ARL4A: variants seen among roughly 807,000 people sequenced by gnomAD.
ARL4A encodes the protein ADP-ribosylation factor-like protein 4A.
A neutral mutation model predicts 13.9 loss-of-function variants in ARL4A; 5 were observed. That is an observed-to-expected ratio of 0.36 (90% confidence interval 0.19 to 0.75). The LOEUF is 0.75. Among genes scored for constraint, ARL4A ranks in the 30% least tolerant of loss-of-function variants. The probability of loss-of-function intolerance (pLI) is 0.53; values close to 1 mark genes in which losing one functional copy is unlikely to be tolerated. For missense variants in ARL4A, 147 were observed against 225.8 expected, an observed-to-expected ratio of 0.65 and a Z score of 2.24; for synonymous variants, 77 against 84.4, an observed-to-expected ratio of 0.91 and a Z score of 0.48.
In ARL4A at chr7:12,690,437, T is replaced by C. The variant is rs1337413946; in HGVS notation, c.*1580T>C. On this transcript the variant is annotated 3_prime_UTR_variant, in exon 2 of 2. Transcript: ENST00000651779. ...TAGTGATGGTCACTTAGAATGTTTA[T>C]AGAAATGTGGATAATAACTACCAAT... 1 of 166,952 alleles carries C rather than the reference T, an allele frequency of 6.0e-6. No homozygotes were observed. The highest frequency in any genetic ancestry group is 6.5e-5 in the Admixed American group (1 of 15,268). 10.3% of individuals were successfully genotyped at this position (166,952 alleles called of 1,614,324 possible).
rs1356442544 is a variant in ARL4A at position 12,690,292 on chromosome 7, G to GTTTTT, written c.*1438_*1442dup. On this transcript the variant is annotated 3_prime_UTR_variant, in exon 2 of 2. Transcript: ENST00000651779. Reference sequence around the variant, plus strand: ...AGGATTTGTTTTGGCTTTGGGTTTTGTTTTTTTGTTTTTTTTTTTTTTCAG... The same window carrying GTTTTT: ...AGGATTTGTTTTGGCTTTGGGTTTTGTTTTTTTTTTTTGTTTTTTTTTTTTTTCAG... 7.4e-6 allele frequency: 1 copy of GTTTTT among 136,002 alleles called. No homozygotes were observed. The highest frequency in any genetic ancestry group is 1.8e-5 in the Non-Finnish European group (1 of 54,650). 8.4% of individuals were successfully genotyped at this position (136,002 alleles called of 1,614,324 possible).
upstream of ARL4A, chr7:12,687,212 A>T (rs1784534045): frequency 1.3e-5 from 2 of 152,142 alleles, no homozygotes; most frequent in Non-Finnish European, 2.9e-5. The surrounding 1 kb of genome is among the most constrained non-coding windows in gnomAD (Gnocchi z 5.6). Flanking sequence ...GCGCGGCAAC[A>T]GCCGGCACCC....
chr7:12,689,347 A>C lies in ARL4A; in HGVS notation c.*490A>C, dbSNP rs1376974396. 6.0e-6 allele frequency: 1 copy of C among 168,010 alleles called. No individual in the cohort carries two copies. The highest frequency in any genetic ancestry group is 1.5e-5 in the Non-Finnish European group (1 of 68,806). The allele number at this position is 168,010 out of a possible 1,614,324, so 10.4% of individuals were successfully genotyped here. ...AACCAGTCCTTTTTTGAAGTAAGGG[A>C]CAAGGAGTAAGTATTTTCTTTTTTA... On this transcript the variant is annotated 3_prime_UTR_variant, in exon 2 of 2. Transcript: ENST00000651779.
chr7:12,688,453 A>G lies in ARL4A; in HGVS notation c.199A>G (p.Lys67Glu). The G allele has an allele frequency of 6.2e-7, 1 of 1,612,924 alleles. No individual in the cohort carries two copies. Among genetic ancestry groups the G allele is most frequent in the Non-Finnish European group, 8.5e-7 (1 of 1,179,856 alleles). ...EKIKVTLGNS[K>E]TVTFHFWDVG... is the part of the protein sequence containing the mutation. The stretch of plus-strand genomic sequence containing the variant: ...AATTAAGGTAACCTTGGGAAATTCT[A>G]AAACAGTCACTTTTCACTTCTGGGA... The change falls in exon 2 of 2, where the codon AAA (lysine) becomes GAA (glutamate). Residue 67 changes from lysine (K) to glutamate (E), a missense_variant. Transcript: ENST00000651779. This position sits in a 1 kb window ranked among gnomAD's most constrained non-coding sequence, Gnocchi z 5.2.
chr7:12,690,461 A>G lies in ARL4A; in HGVS notation c.*1604A>G, dbSNP rs1033605377. ...ATAGAAATGTGGATAATAACTACCAATAAACTACTTGAGGCACTAGGAGAA... is the reference window on the plus strand; with the variant it reads ...ATAGAAATGTGGATAATAACTACCAGTAAACTACTTGAGGCACTAGGAGAA... On this transcript the variant is annotated 3_prime_UTR_variant, in exon 2 of 2. Coordinates refer to ENST00000651779, the MANE Select transcript of ARL4A (RefSeq NM_005738.5). 6.0e-6 allele frequency: 1 copy of G among 166,922 alleles called. No individual in the cohort carries two copies. The highest frequency in any genetic ancestry group is 1.5e-5 in the Non-Finnish European group (1 of 68,076). The allele number at this position is 166,922 out of a possible 1,614,324, so 10.3% of individuals were successfully genotyped here. A position where few individuals can be genotyped will look rare whatever the true frequency, so the allele number is the denominator to read the frequency against.
Position 12,689,725 on chromosome 7 carries a change from T to G in ARL4A, c.*868T>G, listed in dbSNP as rs1354359925. ...AATAAATATGCACTGGATACATATATGGATTTATGAAGAAGGCGATTTAGT... is the reference window on the plus strand; with the variant it reads ...AATAAATATGCACTGGATACATATAGGGATTTATGAAGAAGGCGATTTAGT... On this transcript the variant is annotated 3_prime_UTR_variant, in exon 2 of 2. Coordinates refer to ENST00000651779, the MANE Select transcript of ARL4A (RefSeq NM_005738.5). The G allele has an allele frequency of 6.0e-6, 1 of 166,936 alleles. No individual in the cohort carries two copies. Among genetic ancestry groups the G allele is most frequent in the African/African-American group, 2.4e-5 (1 of 41,456 alleles). 10.3% of individuals were successfully genotyped at this position (166,936 alleles called of 1,614,324 possible).
chr7:12,687,191 C>T (rs1450689351), upstream of ARL4A: 3 of 152,180 alleles, frequency 2.0e-5, no homozygotes, highest in Non-Finnish European at 4.4e-5. The surrounding 1 kb of genome is among the most constrained non-coding windows in gnomAD (Gnocchi z 5.6). Context: ...TCTCTAGCGC[C>T]TCAGGGGCCC....
At position 12,688,190 on chromosome 7, in the gene ARL4A, C is replaced by G; in HGVS notation, c.-65C>G. The G allele has an allele frequency of 4.6e-6, 7 of 1,515,636 alleles. No homozygotes were observed. Among genetic ancestry groups the G allele is most frequent in the Non-Finnish European group, 6.2e-6 (7 of 1,133,616 alleles). 93.9% of individuals were successfully genotyped at this position (1,515,636 alleles called of 1,614,324 possible). A position where few individuals can be genotyped will look rare whatever the true frequency, so the allele number is the denominator to read the frequency against. On this transcript the variant is annotated 5_prime_UTR_variant, in exon 2 of 2. Coordinates refer to ENST00000651779, the MANE Select transcript of ARL4A (RefSeq NM_005738.5). The surrounding 1 kb of genome is among the most constrained non-coding windows in gnomAD (Gnocchi z 5.2). ...GCAGTCTTATAGCTGGATCAGCTAC[C>G]AAGAGAAGTTGTAAACCAAGAAGAG...
rs1196788859 is a variant in ARL4A, at chr7:12,688,673, A to G, written c.419A>G (p.Asn140Ser). 1.2e-6 allele frequency: 2 copies of G among 1,613,950 alleles called. No individual in the cohort carries two copies. The highest frequency in any genetic ancestry group is 3.3e-5 in the Admixed American group (2 of 60,016). ...LIVANKQDLR[N>S]SLSLSEIEKL... ...GTTGCTAACAAACAAGATTTGAGGA[A>G]CTCATTGTCACTTTCAGAAATTGAG... Residue 140 changes from asparagine to serine, a missense_variant, in exon 2 of 2, where the codon AAC (asparagine) becomes AGC (serine). Asn to Ser is a conservative substitution (Grantham distance 46). Coordinates refer to ENST00000651779, the MANE Select transcript of ARL4A (RefSeq NM_005738.5). This position sits in a 1 kb window ranked among gnomAD's most constrained non-coding sequence, Gnocchi z 5.2.
rs1423376536 is a variant in ARL4A, at chr7:12,690,725, ATC to A, written c.*1870_*1871del. Reference sequence around the variant, plus strand: ...TTAATAAAGCTTGCTGAAAAAAAAAATCTGTGTATCAATTAGATTTACCAGTT... The same window carrying A: ...TTAATAAAGCTTGCTGAAAAAAAAAATGTGTATCAATTAGATTTACCAGTT... On this transcript the variant is annotated 3_prime_UTR_variant, in exon 2 of 2. Coordinates refer to ENST00000651779, the MANE Select transcript of ARL4A (RefSeq NM_005738.5). 4 of 165,538 alleles carry A rather than the reference ATC, an allele frequency of 2.4e-5. No individual in the cohort carries two copies. In the East Asian group the frequency reaches 7.7e-4, roughly 32 times the overall value. The allele number at this position is 165,538 out of a possible 1,614,324, so 10.3% of individuals were successfully genotyped here.
chr7:12,688,157 G>A lies in ARL4A; in HGVS notation c.-89-9G>A. The A allele has an allele frequency of 1.4e-6, 2 of 1,459,016 alleles. 1 individual carries two copies. The highest frequency in any genetic ancestry group is 1.8e-6 in the Non-Finnish European group (2 of 1,091,584). 90.4% of individuals were successfully genotyped at this position (1,459,016 alleles called of 1,614,324 possible). ...GGGAGAATAACTTATTCCTTCTTCC[G>A]TCTCCCAGCAGTCTTATAGCTGGAT... On this transcript the variant is annotated splice_polypyrimidine_tract_variant and intron_variant, in intron 1 of 1. Transcript: ENST00000651779. The surrounding 1 kb of genome is among the most constrained non-coding windows in gnomAD (Gnocchi z 5.2).
At position 12,690,444 on chromosome 7, in the gene ARL4A, G is replaced by A. The variant is rs1002498737; in HGVS notation, c.*1587G>A. ...GGTCACTTAGAATGTTTATAGAAAT[G>A]TGGATAATAACTACCAATAAACTAC... On this transcript the variant is annotated 3_prime_UTR_variant, in exon 2 of 2. Coordinates refer to ENST00000651779, the MANE Select transcript of ARL4A (RefSeq NM_005738.5). 1 of 166,694 alleles carries A rather than the reference G, an allele frequency of 6.0e-6. No homozygotes were observed. 10.3% of individuals were successfully genotyped at this position (166,694 alleles called of 1,614,324 possible).
rs4027603 is a variant in ARL4A, at chr7:12,688,747, C to T, written c.493C>T (p.Gln165Ter). The T allele has an allele frequency of 6.2e-7, 1 of 1,613,866 alleles. No individual in the cohort carries two copies. Among genetic ancestry groups the T allele is most frequent in the Non-Finnish European group, 8.5e-7 (1 of 1,179,872 alleles). The change falls in exon 2 of 2, where the codon CAG becomes TAG. Residue 165 changes from glutamine (Q) to a stop codon, truncating the protein, a stop_gained. Coordinates refer to ENST00000651779, the MANE Select transcript of ARL4A (RefSeq NM_005738.5). LOFTEE classifies it high-confidence loss of function. This position sits in a 1 kb window ranked among gnomAD's most constrained non-coding sequence, Gnocchi z 5.2. ...GAGCTCATCAACTCCTTGGCATTTG[C>T]AGCCTACCTGTGCAATCATAGGAGA... ...ELSSSTPWHL[Q>*]PTCAIIGDGL...
Position 12,688,304 on chromosome 7 carries a change from C to T in ARL4A, c.50C>T (p.Ser17Leu). 1.2e-6 allele frequency: 2 copies of T among 1,613,026 alleles called. No individual in the cohort carries two copies. Among genetic ancestry groups the T allele is most frequent in the Non-Finnish European group, 1.7e-6 (2 of 1,179,412 alleles). ...DQTSILSNLP[S>L]FQSFHIVILG... ...ACTTCTATCCTGTCCAACCTGCCTT[C>T]ATTTCAGTCTTTCCACATTGTTATT... The change falls in exon 2 of 2, where the codon TCA (serine) becomes TTA (leucine). Residue 17 changes from serine (S) to leucine (L), a missense_variant. By Grantham distance (145) the Ser-to-Leu change is moderately radical. Coordinates refer to ENST00000651779, the MANE Select transcript of ARL4A (RefSeq NM_005738.5). This position sits in a 1 kb window ranked among gnomAD's most constrained non-coding sequence, Gnocchi z 5.2.
chr7:12,688,215 G>C lies in ARL4A; in HGVS notation c.-40G>C, dbSNP rs1338757270. 1 of 1,528,918 alleles carries C rather than the reference G, an allele frequency of 6.5e-7. No individual in the cohort carries two copies. Among genetic ancestry groups the C allele is most frequent in the Non-Finnish European group, 8.8e-7 (1 of 1,140,406 alleles). The allele number at this position is 1,528,918 out of a possible 1,614,324, so 94.7% of individuals were successfully genotyped here. ...CAAGAGAAGTTGTAAACCAAGAAGA[G>C]AAAAGCATTTCAATTTGGGACATTT... On this transcript the variant is annotated 5_prime_UTR_variant, in exon 2 of 2. Transcript: ENST00000651779. The surrounding 1 kb of genome is among the most constrained non-coding windows in gnomAD (Gnocchi z 5.2).
Position 12,688,287 on chromosome 7 carries a change from C to T in ARL4A, c.33C>T (p.Ile11=), listed in dbSNP as rs759680663. MGNGLSDQTS[I]LSNLPSFQSF... ...ATGGGCTGTCAGACCAGACTTCTAT[C>T]CTGTCCAACCTGCCTTCATTTCAGT... Residue 11 remains isoleucine (I), a synonymous_variant, in exon 2 of 2, where the codon ATC becomes ATT. Transcript: ENST00000651779. This position sits in a 1 kb window ranked among gnomAD's most constrained non-coding sequence, Gnocchi z 5.2. The T allele has an allele frequency of 4.3e-6, 7 of 1,609,798 alleles. No homozygotes were observed. The highest frequency in any genetic ancestry group is 5.1e-6 in the Non-Finnish European group (6 of 1,177,710).
rs1159520613 is a variant in ARL4A at position 12,689,236 on chromosome 7, A to G, written c.*379A>G. 2 of 208,878 alleles carry G rather than the reference A, an allele frequency of 9.6e-6. No individual in the cohort carries two copies. Among genetic ancestry groups the G allele is most frequent in the East Asian group, 2.6e-4 (2 of 7,608 alleles). The allele number at this position is 208,878 out of a possible 1,614,324, so 12.9% of individuals were successfully genotyped here. A position where few individuals can be genotyped will look rare whatever the true frequency, so the allele number is the denominator to read the frequency against. On this transcript the variant is annotated 3_prime_UTR_variant, in exon 2 of 2. Coordinates refer to ENST00000651779, the MANE Select transcript of ARL4A (RefSeq NM_005738.5). ...GGAAGCCTTTGCAAGAAAATTGCATACAAGGCTTTGTAACGATCAAGTGCT... is the reference window on the plus strand; with the variant it reads ...GGAAGCCTTTGCAAGAAAATTGCATGCAAGGCTTTGTAACGATCAAGTGCT...
chr7:12,689,378 C>G lies in ARL4A; in HGVS notation c.*521C>G, dbSNP rs1330771142. 6.0e-6 allele frequency: 1 copy of G among 167,434 alleles called. No individual in the cohort carries two copies. Among genetic ancestry groups the G allele is most frequent in the Non-Finnish European group, 1.5e-5 (1 of 68,448 alleles). 10.4% of individuals were successfully genotyped at this position (167,434 alleles called of 1,614,324 possible). Reference sequence around the variant, plus strand: ...AGTAAGTATTTTCTTTTTTAAGTTTCTGCCAAATGATTTTTGACGCTTTCT... The same window carrying G: ...AGTAAGTATTTTCTTTTTTAAGTTTGTGCCAAATGATTTTTGACGCTTTCT... On this transcript the variant is annotated 3_prime_UTR_variant, in exon 2 of 2. Coordinates refer to ENST00000651779, the MANE Select transcript of ARL4A (RefSeq NM_005738.5).
chr7:12,688,207 C>G lies in ARL4A; in HGVS notation c.-48C>G, dbSNP rs551355902. ...TCAGCTACCAAGAGAAGTTGTAAAC[C>G]AAGAAGAGAAAAGCATTTCAATTTG... On this transcript the variant is annotated 5_prime_UTR_variant, in exon 2 of 2. Coordinates refer to ENST00000651779, the MANE Select transcript of ARL4A (RefSeq NM_005738.5). The surrounding 1 kb of genome is among the most constrained non-coding windows in gnomAD (Gnocchi z 5.2). 1 of 1,523,606 alleles carries G rather than the reference C, an allele frequency of 6.6e-7. No individual in the cohort carries two copies. The allele number at this position is 1,523,606 out of a possible 1,614,324, so 94.4% of individuals were successfully genotyped here. A position where few individuals can be genotyped will look rare whatever the true frequency, so the allele number is the denominator to read the frequency against.
Sources: allele counts gnomAD v4.1 joint callset, GRCh38; gene constraint gnomAD v4.1.1; non-coding constraint Gnocchi (gnomAD v3.1); transcripts MANE v1.5; gene names NCBI Gene and HGNC (gene_info 2026-07-23, HGNC 2026-07-21).